The following SKIC2 variants were observed in gnomAD, a reference collection of about 807,000 sequenced individuals.
SKIC2 encodes the protein SKI2 subunit of superkiller complex.
the SKIC2 span, chr6:31,961,032 A>G: frequency 1.7e-5 from 27 of 1,602,444 alleles, no homozygotes; most frequent in Middle Eastern, 1.7e-4. Flanking sequence ...TCATGTCCCT[A>G]TCCTACAGAT....
At chr6:31,959,721 G>A in the SKIC2 span, 3 of 551,466 alleles carry the variant, frequency 5.4e-6, no homozygotes, top group Non-Finnish European at 9.6e-6. Context: ...TTCATCCTTA[G>A]GTCTGGGACC....
At chr6:31,967,723 G>C in the SKIC2 span, 1 of 1,612,714 alleles carries the variant, frequency 6.2e-7, no homozygotes. This position sits in a 1 kb window ranked among gnomAD's most constrained non-coding sequence, Gnocchi z 4.9. Context: ...AGGTCTCCTC[G>C]AACTCCACCA....
chr6:31,960,594 C>T, the SKIC2 span: 1 of 1,578,134 alleles, frequency 6.3e-7, no homozygotes, highest in Non-Finnish European at 8.7e-7. Flanking sequence ...CTTTAATCTC[C>T]AGGGAAGGGT....
At chr6:31,960,118 C>T in the SKIC2 span, 78 of 1,612,154 alleles carry the variant, frequency 4.8e-5, no homozygotes, top group Admixed American at 2.3e-4. Flanking sequence ...GCACTCAGCC[C>T]GGTGAGGAGT....
chr6:31,964,617 A>G, the SKIC2 span, among the ~76,000 whole-genome samples: 3 of 152,264 alleles, frequency 2.0e-5, no homozygotes, highest in African/African-American at 4.8e-5. The surrounding 1 kb of genome is among the most constrained non-coding windows in gnomAD (Gnocchi z 5.0). Context: ...AAACCCAGGA[A>G]GCTAGCAAGC....
the SKIC2 span, chr6:31,963,117 G>C: frequency 6.8e-7 from 1 of 1,480,556 alleles, no homozygotes; most frequent in Non-Finnish European, 9.4e-7. This position sits in a 1 kb window ranked among gnomAD's most constrained non-coding sequence, Gnocchi z 5.3. Flanking sequence ...CGGGTTGCCT[G>C]GGTGAAGGGG....
chr6:31,968,227 TGTGAA>T, the SKIC2 span: 2 of 1,429,700 alleles, frequency 1.4e-6, no homozygotes, highest in Non-Finnish European at 1.9e-6. The surrounding 1 kb of genome is among the most constrained non-coding windows in gnomAD (Gnocchi z 6.1). Flanking sequence ...TAAGGGAGAC[TGTGAA>T]GTGGAGGTTG....
At chr6:31,966,912 A>G in the SKIC2 span, 47 of 1,613,120 alleles carry the variant, frequency 2.9e-5, no homozygotes, top group African/African-American at 5.7e-4. This position sits in a 1 kb window ranked among gnomAD's most constrained non-coding sequence, Gnocchi z 5.9. Flanking sequence ...GGGAATAGGT[A>G]GGCATCCAGA....
At chr6:31,962,307 TA>T in the SKIC2 span, 1 of 1,082,658 alleles carries the variant, frequency 9.2e-7, no homozygotes, top group Non-Finnish European at 1.4e-6. This position sits in a 1 kb window ranked among gnomAD's most constrained non-coding sequence, Gnocchi z 5.0. Flanking sequence ...CAGGAGAATG[TA>T]AGGGCAGTTT....
At chr6:31,964,390 T>C in the SKIC2 span, 1 of 1,454,806 alleles carries the variant, frequency 6.9e-7, no homozygotes, top group Non-Finnish European at 9.6e-7. The surrounding 1 kb of genome is among the most constrained non-coding windows in gnomAD (Gnocchi z 5.0). Flanking sequence ...TGTTGCCCAC[T>C]TAGGGGCTGC....
chr6:31,968,194 G>A, the SKIC2 span: 1 of 1,500,642 alleles, frequency 6.7e-7, no homozygotes, highest in Admixed American at 1.7e-5. The surrounding 1 kb of genome is among the most constrained non-coding windows in gnomAD (Gnocchi z 6.1). Flanking sequence ...TGGTGGGGTT[G>A]TAGTGAGGGG....
chr6:31,968,776 G>A, the SKIC2 span: 1 of 1,612,160 alleles, frequency 6.2e-7, no homozygotes, highest in South Asian at 1.1e-5. The surrounding 1 kb of genome is among the most constrained non-coding windows in gnomAD (Gnocchi z 6.1). Context: ...GCTGCTTCCT[G>A]AGTACCATCA....
chr6:31,961,921 C>T, the SKIC2 span: 6 of 1,613,074 alleles, frequency 3.7e-6, no homozygotes, highest in Non-Finnish European at 5.1e-6. Context: ...GGCATTTGAG[C>T]CAGATGTGTT....
At chr6:31,965,831 C>T in the SKIC2 span, 5 of 1,612,750 alleles carry the variant, frequency 3.1e-6, no homozygotes, top group Admixed American at 1.7e-5. The surrounding 1 kb of genome is among the most constrained non-coding windows in gnomAD (Gnocchi z 5.6). Flanking sequence ...CATGCCTGCT[C>T]GTACAGTAGT....
the SKIC2 span, chr6:31,968,103 C>T: frequency 2.5e-6 from 4 of 1,612,146 alleles, no homozygotes; most frequent in African/African-American, 2.7e-5. This position sits in a 1 kb window ranked among gnomAD's most constrained non-coding sequence, Gnocchi z 6.1. Flanking sequence ...CTAGGGAGGC[C>T]CTTCTCCTCC....
the SKIC2 span, chr6:31,969,700 C>T: frequency 8.8e-6 from 14 of 1,595,664 alleles, no homozygotes; most frequent in Non-Finnish European, 1.2e-5. The surrounding 1 kb of genome is among the most constrained non-coding windows in gnomAD (Gnocchi z 6.1). Flanking sequence ...TTGCGGCCAG[C>T]CTCTACACCC....
At chr6:31,963,860 CAT>C in the SKIC2 span, 1 of 1,524,928 alleles carries the variant, frequency 6.6e-7, no homozygotes, top group Non-Finnish European at 9.0e-7. This position sits in a 1 kb window ranked among gnomAD's most constrained non-coding sequence, Gnocchi z 5.3. Flanking sequence ...GCTCACCTCT[CAT>C]TGGTTCAGGA....
At chr6:31,959,183 T>C in the SKIC2 span, 1 of 1,609,810 alleles carries the variant, frequency 6.2e-7, no homozygotes, top group Non-Finnish European at 8.5e-7. Flanking sequence ...GCAGCTGCTG[T>C]GGCTCCAGGA....
the SKIC2 span, chr6:31,967,039 G>A: frequency 8.1e-6 from 13 of 1,612,936 alleles, no homozygotes; most frequent in African/African-American, 2.7e-5. This position sits in a 1 kb window ranked among gnomAD's most constrained non-coding sequence, Gnocchi z 4.9. Flanking sequence ...TGACCAAGAG[G>A]CTGGGAGCTT....
Sources: gnomAD v4.1 joint callset for allele counts (sites outside exome capture counted in the v4.1 genomes callset) on GRCh38, gnomAD v4.1.1 for gene constraint, Gnocchi (gnomAD v3.1) non-coding constraint, MANE v1.5 for transcripts, NCBI Gene and HGNC (gene_info 2026-07-23, HGNC 2026-07-21) for gene names.